The following STIMATE variants were observed in gnomAD, a reference collection of about 807,000 sequenced individuals.
STIMATE encodes STIM activating enhancer.
STIMATE carries 15 observed loss-of-function variants against 36.7 expected under a neutral mutation model. The ratio of observed to expected loss-of-function variants is 0.41; its 90% confidence interval spans 0.27 to 0.63. STIMATE has a LOEUF of 0.63. Ranked by LOEUF, STIMATE falls within the 20% of genes least tolerant of loss-of-function variation. The pLI is 0.32. For synonymous variants in STIMATE, 163 were observed against 162.3 expected (o/e 1.00, Z -0.03); for missense variants, 305 against 397.3 (o/e 0.77, Z 1.98).
intron 1 of STIMATE, chr3:52,896,057 A>C (rs1051267629): frequency 5.8e-6 from 4 of 686,324 alleles, no homozygotes; most frequent in Non-Finnish European, 9.1e-6. Context: ...GGGCACTTAT[A>C]AGACTTATCA....
rs758142134 is a variant in STIMATE at position 52,849,961 on chromosome 3, A to T, written c.306-48T>A. ...TGGTCACGGCAGAAGCCACGGGGCC[A>T]GAGGTCATGGCTGATGCAGGGTGGC... On this transcript the variant is annotated intron_variant, in intron 3 of 7. Coordinates refer to ENST00000355083, the MANE Select transcript of STIMATE (RefSeq NM_198563.5). 4 of 1,591,750 alleles carry T rather than the reference A, an allele frequency of 2.5e-6. No individual in the cohort carries two copies. In the East Asian group the frequency reaches 9.1e-5, roughly 36 times the overall value.
At chr3:52,862,843 A>G (rs1701240053) in intron 1 of STIMATE, among the ~76,000 whole-genome samples, 1 of 152,216 alleles carries the variant, frequency 6.6e-6, no homozygotes, top group African/African-American at 2.4e-5. Flanking sequence ...AAATCCCATT[A>G]CAAGTATCCT....
chr3:52,884,201 T>C (rs61641433), intron 1 of STIMATE, among the ~76,000 whole-genome samples: 4,445 of 152,060 alleles, frequency 0.029, 221 homozygotes, highest in African/African-American at 0.1. Context: ...TATGCTGATG[T>C]AACCCTACTA....
chr3:52,893,975 A>C, intron 1 of STIMATE, among the ~76,000 whole-genome samples: 1 of 152,162 alleles, frequency 6.6e-6, no homozygotes, highest in East Asian at 1.9e-4. Context: ...GCTACCCTGC[A>C]CTGGAACAGT....
chr3:52,862,601 AT>A (rs576178261), intron 1 of STIMATE, among the ~76,000 whole-genome samples: 25 of 152,288 alleles, frequency 1.6e-4, no homozygotes, highest in Admixed American at 7.2e-4. Flanking sequence ...GTTGTATGGT[AT>A]TTTTTTCAAT....
chr3:52,855,681 T>C (rs1701080650), intron 1 of STIMATE, among the ~76,000 whole-genome samples: 1 of 152,242 alleles, frequency 6.6e-6, no homozygotes, highest in Admixed American at 6.5e-5. Context: ...CCTCATAGCA[T>C]GTGGAAAACT....
At chr3:52,885,892 T>C (rs1701681317) in intron 1 of STIMATE, among the ~76,000 whole-genome samples, 1 of 152,254 alleles carries the variant, frequency 6.6e-6, no homozygotes, top group South Asian at 2.1e-4. Context: ...TGATGCCTGC[T>C]GTCTGATATT....
chr3:52,850,688 C>T (rs1037270057), intron 3 of STIMATE, among the ~76,000 whole-genome samples: 1 of 152,226 alleles, frequency 6.6e-6, no homozygotes, highest in African/African-American at 2.4e-5. Context: ...ACATGGCCTT[C>T]GCCCATCCCC....
chr3:52,884,369 C>T (rs550534589), intron 1 of STIMATE, among the ~76,000 whole-genome samples: 4 of 152,138 alleles, frequency 2.6e-5, no homozygotes, highest in Admixed American at 6.5e-5. Context: ...CCTCAGCCTC[C>T]CGAGTACCTG....
intron 1 of STIMATE, among the ~76,000 whole-genome samples, chr3:52,868,991 A>T (rs1701358841): frequency 2.0e-5 from 3 of 152,282 alleles, no homozygotes; most frequent in Admixed American, 2.0e-4. Flanking sequence ...TCTATTTTAC[A>T]GATAAGGTCA....
chr3:52,887,994 G>GTTTTTTGTTT (rs1701717521), intron 1 of STIMATE, among the ~76,000 whole-genome samples: 1 of 52,694 alleles, frequency 1.9e-5, no homozygotes, highest in East Asian at 7.8e-4. Context: ...AACAGAATCA[G>GTTTTTTGTTT]TTTTTTTTTT....
chr3:52,855,441 TTGAC>T lies in STIMATE; in HGVS notation c.161-1_163del, dbSNP rs758787272. ...TTCATGCTTTGGTTCTCTGAAGCGT[TTGAC>T]TGAAAGAAAAGACAGACATCAGTAG... is the stretch of plus-strand genomic sequence containing the variant. On this transcript the variant is annotated splice_acceptor_variant and coding_sequence_variant, in exon 2 of 8. Transcript: ENST00000355083. LOFTEE classifies it high-confidence loss of function. 1.2e-6 allele frequency: 2 copies of T among 1,614,028 alleles called. No individual in the cohort carries two copies. Among genetic ancestry groups the T allele is most frequent in the African/African-American group, 2.7e-5 (2 of 74,894 alleles).
Position 52,840,442 on chromosome 3 carries a change from T to G in STIMATE, c.*52A>C. 6.3e-7 allele frequency: 1 copy of G among 1,595,576 alleles called. No individual in the cohort carries two copies. Among genetic ancestry groups the G allele is most frequent in the Non-Finnish European group, 8.6e-7 (1 of 1,166,678 alleles). On this transcript the variant is annotated 3_prime_UTR_variant, in exon 8 of 8. Transcript: ENST00000355083. ...AGGAACGATGCTGCGGGATGACCTCTGCACACCAGCGGCTGGCGGGGCCCT... is the reference window on the plus strand; with the variant it reads ...AGGAACGATGCTGCGGGATGACCTCGGCACACCAGCGGCTGGCGGGGCCCT...
chr3:52,861,883 C>T (rs1701221005), intron 1 of STIMATE, among the ~76,000 whole-genome samples: 1 of 152,196 alleles, frequency 6.6e-6, no homozygotes, highest in Admixed American at 6.5e-5. Context: ...CCCTGCCATC[C>T]TCTCAATGCT....
rs1559486901 is a variant in STIMATE at position 52,838,407 on chromosome 3, C to G, written c.*2087G>C. 6.6e-6 allele frequency: 1 copy of G among 152,204 alleles called. No homozygotes were observed. Among genetic ancestry groups the G allele is most frequent in the Non-Finnish European group, 1.5e-5 (1 of 68,066 alleles). The allele number at this position is 152,204 out of a possible 1,614,324, so 9.4% of individuals were successfully genotyped here. A position where few individuals can be genotyped will look rare whatever the true frequency, so the allele number is the denominator to read the frequency against. ...CAGCTGCAGGCACAGGTTGTTCAAA[C>G]CAAAATGAAACAGGAGGGGAGGAAT... On this transcript the variant is annotated 3_prime_UTR_variant, in exon 8 of 8. Coordinates refer to ENST00000355083, the MANE Select transcript of STIMATE (RefSeq NM_198563.5).
Position 52,849,798 on chromosome 3 carries a change from C to G in STIMATE, c.421G>C (p.Glu141Gln), listed in dbSNP as rs1022891167. 9 of 1,612,612 alleles carry G rather than the reference C, an allele frequency of 5.6e-6. No individual in the cohort carries two copies. The African/African-American group carries it at 1.1e-4, about 19-fold the overall frequency. Residue 141 changes from glutamate (E) to glutamine (Q), a missense_variant, in exon 4 of 8, where the codon GAA becomes CAA. Coordinates refer to ENST00000355083, the MANE Select transcript of STIMATE (RefSeq NM_198563.5). ...WQQWESLRFGEYGDPLQCGAW... is the reference protein window; with the variant it reads ...WQQWESLRFGQYGDPLQCGAW... ...GGCATCCACAGCATATTACCATATT[C>G]GCCGAAGCGCAGGGACTCCCACTGC...
intron 1 of STIMATE, among the ~76,000 whole-genome samples, chr3:52,868,724 G>T (rs937785446): frequency 6.6e-6 from 1 of 152,200 alleles, no homozygotes; most frequent in Non-Finnish European, 1.5e-5. Flanking sequence ...CTGGGTTCAC[G>T]TGATTCTCCT....
rs1192931594 is a variant in STIMATE at position 52,838,854 on chromosome 3, C to G, written c.*1640G>C. The G allele has an allele frequency of 6.6e-6, 1 of 152,264 alleles. No homozygotes were observed. The highest frequency in any genetic ancestry group is 1.5e-5 in the Non-Finnish European group (1 of 68,054). The allele number at this position is 152,264 out of a possible 1,614,324, so 9.4% of individuals were successfully genotyped here. On this transcript the variant is annotated 3_prime_UTR_variant, in exon 8 of 8. Coordinates refer to ENST00000355083, the MANE Select transcript of STIMATE (RefSeq NM_198563.5). ...AAGTGAAACACGTGCTCATGCAGGT[C>G]TAAAAGGAAGGTCCTAAGTGGAGTG...
chr3:52,878,948 A>G (rs1701557870), intron 1 of STIMATE, among the ~76,000 whole-genome samples: 1 of 152,212 alleles, frequency 6.6e-6, no homozygotes, highest in Middle Eastern at 3.2e-3. Flanking sequence ...ATGTTGCGAT[A>G]GCATCCACTG....
Sources: allele counts gnomAD v4.1 joint callset (sites outside exome capture counted in the v4.1 genomes callset), GRCh38; gene constraint gnomAD v4.1.1; transcripts MANE v1.5; gene names NCBI Gene and HGNC (gene_info 2026-07-23, HGNC 2026-07-21).